Variants in CDK16 observed in about 807,000 individuals in gnomAD.
The protein encoded by CDK16 is cyclin-dependent kinase 16.
A neutral mutation model predicts 41.6 loss-of-function variants in CDK16; 2 were observed. That is an observed-to-expected ratio of 0.05 (90% confidence interval 0.02 to 0.15). The LOEUF (loss-of-function observed/expected upper bound fraction) is 0.15, where lower values mean the gene tolerates loss of function less well. CDK16 is among the 10% of genes least tolerant of loss of function. The pLI is 1.00. For missense variants in CDK16, 228 were observed against 428.9 expected (o/e 0.53, Z 4.14); for synonymous variants, 169 against 169.7 (o/e 1.00, Z 0.03).
Position 47,226,793 on chromosome X carries a change from CTG to C in CDK16, c.1038-16_1038-15del, listed in dbSNP as rs761601903. On this transcript the variant is annotated splice_polypyrimidine_tract_variant and intron_variant, in intron 10 of 15. Transcript: ENST00000357227. ...ACCCAGCCAGCTGCCTTTCTATTCA[CTG>C]TGCCCTCCCTGCCCAGGGGTGTGGG... 15 of 1,195,807 alleles carry C rather than the reference CTG, an allele frequency of 1.3e-5. No individual in the cohort carries two copies. The highest frequency in any genetic ancestry group is 4.6e-4 in the Middle Eastern group (2 of 4,309).
At position 47,224,880 on chromosome X, in the gene CDK16, A is replaced by T; in HGVS notation, c.509A>T (p.Lys170Ile). Residue 170 changes from lysine (K) to isoleucine (I), a missense_variant, in exon 5 of 16, where the codon AAA becomes ATA. This residue lies in a region of CDK16 where 66 missense variants were observed against 197.2 expected (regional missense o/e 0.33). Coordinates refer to ENST00000357227, the MANE Select transcript of CDK16 (RefSeq NM_006201.5). ...GKLETYIKLD[K>I]LGEGTYATVY... ...CTGGAGACCTACATTAAGCTGGACA[A>T]ACTGGGCGAGGTGAGAGGCAAATAG... is the stretch of plus-strand genomic sequence containing the variant. 1.7e-6 allele frequency: 2 copies of T among 1,211,596 alleles called. No individual in the cohort carries two copies. The highest frequency in any genetic ancestry group is 2.2e-6 in the Non-Finnish European group (2 of 895,456).
At chrX:47,223,312 G>T (rs950074584) in intron 1 of CDK16, 10 of 1,152,805 alleles carry the variant, frequency 8.7e-6, no homozygotes, top group African/African-American at 1.8e-5. Context: ...GAGAACTCAG[G>T]TGGGCTACGT....
intron 1 of CDK16, 187 bp from the exon 2 acceptor site, chrX:47,223,365 T>C: frequency 9.1e-7 from 1 of 1,100,253 alleles, no homozygotes; most frequent in Non-Finnish European, 1.2e-6. Context: ...GGTGGGCAGG[T>C]ACTGACAAAG....
intron 2 of CDK16, among the ~76,000 whole-genome samples, chrX:47,224,034 C>T (rs1176741140): frequency 4.5e-5 from 5 of 111,541 alleles, no homozygotes; most frequent in East Asian, 2.8e-4. Flanking sequence ...GCCCTTCTGC[C>T]CTCTATGATG....
intron 3 of CDK16, 43 bp from the exon 4 acceptor site, chrX:47,224,575 G>A: frequency 8.3e-7 from 1 of 1,210,290 alleles, no homozygotes; most frequent in Non-Finnish European, 1.1e-6. Flanking sequence ...GACCTGGGGA[G>A]GTGGAGCTCA....
In CDK16 at chrX:47,227,035, G is replaced by A. The variant is rs762975118; in HGVS notation, c.1177G>A (p.Glu393Lys). The stretch of plus-strand genomic sequence containing the variant: ...GACGTGGCCAGGCATCCTGTCCAAC[G>A]AGGAGTTCAAGACATACAACTACCC... ...EETWPGILSNEEFKTYNYPKY... is the reference protein window; with the variant it reads ...EETWPGILSNKEFKTYNYPKY... Residue 393 changes from glutamate to lysine, a missense_variant, in exon 12 of 16, where the codon GAG becomes AAG. This residue lies in a region of CDK16 where 91 missense variants were observed against 129.5 expected (regional missense o/e 0.70). Coordinates refer to ENST00000357227, the MANE Select transcript of CDK16 (RefSeq NM_006201.5). 1 of 1,211,923 alleles carries A rather than the reference G, an allele frequency of 8.3e-7. No homozygotes were observed. Among genetic ancestry groups the A allele is most frequent in the Non-Finnish European group, 1.1e-6 (1 of 895,441 alleles).
rs1266439639 is a variant in CDK16 at position 47,224,431 on chromosome X, C to T, written c.249C>T (p.Asp83=). 1 of 1,204,391 alleles carries T rather than the reference C, an allele frequency of 8.3e-7. No individual in the cohort carries two copies. Among genetic ancestry groups the T allele is most frequent in the Admixed American group, 2.2e-5 (1 of 45,399 alleles). Reference sequence around the variant, plus strand: ...AGATGGGGTCTGATGGGGAGAGTGACCAGGCTTCAGCCACGTCCTCGGATG... The same window carrying T: ...AGATGGGGTCTGATGGGGAGAGTGATCAGGCTTCAGCCACGTCCTCGGATG... ...DLKMGSDGES[D]QASATSSDEV... The change falls in exon 3 of 16, where the codon GAC becomes GAT. Residue 83 remains aspartate, a synonymous_variant. Coordinates refer to ENST00000357227, the MANE Select transcript of CDK16 (RefSeq NM_006201.5).
At position 47,218,928 on chromosome X, in the gene CDK16, G is replaced by GCCTCCT. The variant is rs1233319269; in HGVS notation, c.-176_-171dup. On this transcript the variant is annotated 5_prime_UTR_variant, in exon 1 of 16. Coordinates refer to ENST00000357227, the MANE Select transcript of CDK16 (RefSeq NM_006201.5). ...CGCCTCAGCCACCGCCGCCGCCGCC[G>GCCTCCT]CCTCCTCCTCCTCAGCCGGCGGCGG... The GCCTCCT allele has an allele frequency of 4.9e-6, 5 of 1,018,889 alleles. No homozygotes were observed. The highest frequency in any genetic ancestry group is 2.0e-5 in the African/African-American group (1 of 49,182). 84.0% of individuals were successfully genotyped at this position (1,018,889 alleles called of 1,213,427 possible). A position where few individuals can be genotyped will look rare whatever the true frequency, so the allele number is the denominator to read the frequency against.
intron 14 of CDK16, chrX:47,227,898 C>T (rs2055260317): frequency 7.9e-6 from 1 of 125,996 alleles, no homozygotes. Context: ...AAAGGGTGGC[C>T]ACTGTTTTGA....
rs1039649076 is a variant in CDK16 at position 47,227,113 on chromosome X, G to T, written c.1241+14G>T. The T allele has an allele frequency of 3.3e-6, 4 of 1,206,162 alleles. No homozygotes were observed. Among genetic ancestry groups the T allele is most frequent in the Non-Finnish European group, 4.5e-6 (4 of 891,742 alleles). On this transcript the variant is annotated intron_variant, in intron 12 of 15. Transcript: ENST00000357227. ...CCACGCACCCCGGTGAGGCTGGTGG[G>T]TGGGTGGGCGTTAGGGGCCAGAGTG...
intron 2 of CDK16, 84 bp from the exon 3 acceptor site, chrX:47,224,301 T>G (rs1937482105): frequency 9.7e-7 from 1 of 1,026,360 alleles, no homozygotes; most frequent in Non-Finnish European, 1.3e-6. Context: ...ACATGTGTGA[T>G]GATGGAATAT....
rs761644467 is a variant in CDK16 at position 47,227,449 on chromosome X, G to A, written c.1355G>A (p.Arg452Gln). 12 of 1,205,236 alleles carry A rather than the reference G, an allele frequency of 1.0e-5. No homozygotes were observed. Among genetic ancestry groups the A allele is most frequent in the South Asian group, 7.1e-5 (4 of 56,489 alleles). The change falls in exon 14 of 16, where the codon CGG becomes CAG. Residue 452 changes from arginine (R) to glutamine (Q), a missense_variant. Arg to Gln is a conservative substitution (Grantham distance 43). Transcript: ENST00000357227. ...KHPFFLSLGE[R>Q]IHKLPDTTSI... Reference sequence around the variant, plus strand: ...CCATTCTTCCTCAGTCTGGGGGAGCGGATCCACAAACTTCCTGACAGTGAG... The same window carrying A: ...CCATTCTTCCTCAGTCTGGGGGAGCAGATCCACAAACTTCCTGACAGTGAG...
At chrX:47,226,227 G>T in intron 8 of CDK16, 52 bp from the exon 9 acceptor site, 1 of 1,205,922 alleles carries the variant, frequency 8.3e-7, no homozygotes, top group Non-Finnish European at 1.1e-6. Flanking sequence ...CCTGCTGGGG[G>T]TCGGGCTAGT....
At chrX:47,223,429 T>A in intron 1 of CDK16, 123 bp from the exon 2 acceptor site, 1 of 977,821 alleles carries the variant, frequency 1.0e-6, no homozygotes, top group Non-Finnish European at 1.4e-6. Context: ...GGGTCCATAG[T>A]GGTTGAGTGA....
intron 1 of CDK16, 58 bp downstream of exon 1, chrX:47,219,163 C>T: frequency 1.3e-6 from 1 of 782,955 alleles, no homozygotes; most frequent in Non-Finnish European, 1.5e-6. Flanking sequence ...CCACCTCGGG[C>T]GGTGCCCAGG....
intron 1 of CDK16, chrX:47,222,909 C>CATTAAAAAA: frequency 2.8e-6 from 1 of 363,553 alleles, no homozygotes; most frequent in Non-Finnish European, 4.2e-6. Flanking sequence ...TCCACACAAT[C>CATTAAAAAA]CCACCCAGTG....
intron 1 of CDK16, chrX:47,223,159 G>A (rs750495637): frequency 1.7e-6 from 2 of 1,157,118 alleles, no homozygotes; most frequent in South Asian, 3.8e-5. Flanking sequence ...CACACGCCCT[G>A]GCCGACCCAT....
Position 47,227,594 on chromosome X carries a change from G to A in CDK16, c.1375+125G>A, listed in dbSNP as rs1048422711. 2.4e-4 allele frequency: 114 copies of A among 475,496 alleles called. No individual in the cohort carries two copies. In the African/African-American group the frequency reaches 2.6e-3, roughly 11 times the overall value. 39.2% of individuals were successfully genotyped at this position (475,496 alleles called of 1,213,427 possible). A position where few individuals can be genotyped will look rare whatever the true frequency, so the allele number is the denominator to read the frequency against. On this transcript the variant is annotated intron_variant, in intron 14 of 15. Coordinates refer to ENST00000357227, the MANE Select transcript of CDK16 (RefSeq NM_006201.5). ...CTACGTGGGGGGACATCTTGTTCAC[G>A]TGTGTGATGGGTTGTATTTGTTATG...
Position 47,223,673 on chromosome X carries a change from G to A in CDK16, c.116G>A (p.Gly39Asp), listed in dbSNP as rs771814612. Residue 39 changes from glycine to aspartate, a missense_variant, in exon 2 of 16, where the codon GGT (glycine) becomes GAT (aspartate). Gly to Asp is a moderately conservative substitution (Grantham distance 94, BLOSUM62 -1). Coordinates refer to ENST00000357227, the MANE Select transcript of CDK16 (RefSeq NM_006201.5). Reference protein sequence around the residue: ...EQIGLDESGGGGGSDPGEAPT... With the variant: ...EQIGLDESGGDGGSDPGEAPT... ...ATAGGCCTGGATGAGAGTGGTGGTG[G>A]TGGCGGCAGTGACCCTGGAGAGGCC... 1.7e-6 allele frequency: 2 copies of A among 1,210,854 alleles called. No individual in the cohort carries two copies. Among genetic ancestry groups the A allele is most frequent in the Non-Finnish European group, 1.1e-6 (1 of 895,112 alleles).
Sources: allele counts gnomAD v4.1 joint callset (sites outside exome capture counted in the v4.1 genomes callset), GRCh38; gene constraint gnomAD v4.1.1; regional missense constraint gnomAD v4.1.1; transcripts MANE v1.5; gene names NCBI Gene and HGNC (gene_info 2026-07-23, HGNC 2026-07-21).